Variants in SLC25A21 observed in about 807,000 individuals in gnomAD.
The protein encoded by SLC25A21 is solute carrier family 25 member 21.
Under a neutral mutation model 43.8 loss-of-function variants are expected in SLC25A21, and 47 were observed. The observed-to-expected ratio is 1.07, with a 90% CI of 0.85 to 1.37. SLC25A21 has a LOEUF of 1.37. SLC25A21 is among the 40% of genes most tolerant of loss of function. The pLI is 0.00. For missense variants in SLC25A21, 352 were observed against 350.2 expected, an observed-to-expected ratio of 1.00 and a Z score of -0.04; for synonymous variants, 131 against 121.3, an observed-to-expected ratio of 1.08 and a Z score of -0.52.
At chr14:36,808,635 T>C (rs1267033356) in intron 3 of SLC25A21, among the ~76,000 whole-genome samples, 1 of 152,124 alleles carries the variant, frequency 6.6e-6, no homozygotes, top group Middle Eastern at 3.2e-3. Context: ...GGAGAAACCA[T>C]GGTTATACCT....
At position 36,679,377 on chromosome 14, in the gene SLC25A21, A is replaced by G. The variant is rs1226138644; in HGVS notation, c.*1281T>C. ...AGTAATAATTACCATGTTATCTTTT[A>G]CTTTTTATTTTCAAAATGCTTTAGT... On this transcript the variant is annotated 3_prime_UTR_variant, in exon 10 of 10. Coordinates refer to ENST00000331299, the MANE Select transcript of SLC25A21 (RefSeq NM_030631.4). 1.0e-6 allele frequency: 1 copy of G among 977,484 alleles called. No individual in the cohort carries two copies. The highest frequency in any genetic ancestry group is 1.2e-6 in the Non-Finnish European group (1 of 822,964). The allele number at this position is 977,484 out of a possible 1,614,324, so 60.6% of individuals were successfully genotyped here.
At chr14:36,737,587 T>C (rs1219519105) in intron 3 of SLC25A21, among the ~76,000 whole-genome samples, 1 of 152,174 alleles carries the variant, frequency 6.6e-6, no homozygotes, top group African/African-American at 2.4e-5. Flanking sequence ...GCTTTTACCG[T>C]ATATCCATGC....
Position 36,774,576 on chromosome 14 carries a change from GA to G in SLC25A21, c.203+39341del, listed in dbSNP as rs1241092623. The stretch of plus-strand genomic sequence containing the variant: ...TAACACAGGTTGAGTTTATTTTAGA[GA>G]CTTTTTTTTTTTAAGACAGGGTCTC... On this transcript the variant is annotated intron_variant, in intron 3 of 9. Transcript: ENST00000331299. Among the ~76,000 whole-genome samples the G allele has an allele frequency of 2.6e-5, 4 of 151,916 alleles. No homozygotes were observed. In the East Asian group the frequency reaches 7.8e-4, roughly 30 times the overall value.
At chr14:36,689,050 A>T (rs1048247695) in intron 7 of SLC25A21, among the ~76,000 whole-genome samples, 1 of 152,198 alleles carries the variant, frequency 6.6e-6, no homozygotes, top group Non-Finnish European at 1.5e-5. Flanking sequence ...TGATAAAGAC[A>T]TACCTGAGAT....
intron 7 of SLC25A21, among the ~76,000 whole-genome samples, 199 bp downstream of exon 7, chr14:36,711,119 C>A (rs1269946687): frequency 6.6e-6 from 1 of 152,078 alleles, no homozygotes; most frequent in Non-Finnish European, 1.5e-5. Flanking sequence ...GTGAGCTGGG[C>A]AATTTCCTTG....
intron 2 of SLC25A21, among the ~76,000 whole-genome samples, chr14:36,825,268 CCTCTTT>C (rs1472775547): frequency 1.4e-5 from 2 of 145,260 alleles, no homozygotes; most frequent in South Asian, 2.2e-4. Flanking sequence ...ATGATCTCTT[CCTCTTT>C]CTCTTTCTCT....
chr14:37,101,151 T>A (rs1360773557), intron 1 of SLC25A21, among the ~76,000 whole-genome samples: 1 of 152,230 alleles, frequency 6.6e-6, no homozygotes, highest in Non-Finnish European at 1.5e-5. Context: ...GTGTAATAAT[T>A]TTTATACAAA....
In SLC25A21 at chr14:37,135,077, G is replaced by A. The variant is rs1301322690; in HGVS notation, c.70+37204C>T. On this transcript the variant is annotated intron_variant, in intron 1 of 9. Transcript: ENST00000331299. ...CGAGTAGTTGAGATTACAGGCACAC[G>A]CCACCATGCCCAGCTAATTCTTGTA... is the stretch of plus-strand genomic sequence containing the variant. 6.6e-5 allele frequency among the ~76,000 whole-genome samples: 10 copies of A among 152,058 alleles called. No individual in the cohort carries two copies. In the South Asian group the frequency reaches 8.3e-4, roughly 13 times the overall value.
intron 1 of SLC25A21, among the ~76,000 whole-genome samples, chr14:36,892,117 G>A (rs1891088462): frequency 6.6e-6 from 1 of 152,136 alleles, no homozygotes; most frequent in African/African-American, 2.4e-5. Flanking sequence ...GTGTTGGCAA[G>A]GATGTGGAGA....
intron 3 of SLC25A21, among the ~76,000 whole-genome samples, chr14:36,797,952 T>C (rs776792406): frequency 5.9e-5 from 9 of 152,202 alleles, no homozygotes; most frequent in Non-Finnish European, 8.8e-5. Context: ...TGTCAAAGAA[T>C]TGTCAATATG....
intron 7 of SLC25A21, among the ~76,000 whole-genome samples, chr14:36,693,327 G>C (rs1882874924): frequency 6.6e-6 from 1 of 152,158 alleles, no homozygotes; most frequent in Non-Finnish European, 1.5e-5. Flanking sequence ...ACATATGGCA[G>C]CCTGAAGAAA....
intron 1 of SLC25A21, among the ~76,000 whole-genome samples, chr14:36,990,491 T>A (rs1027713517): frequency 6.6e-6 from 1 of 152,172 alleles, no homozygotes; most frequent in Non-Finnish European, 1.5e-5. Context: ...ATTCTGTACA[T>A]GGAAATGAAA....
chr14:36,748,236 T>G (rs1885573089), intron 3 of SLC25A21, among the ~76,000 whole-genome samples: 1 of 152,170 alleles, frequency 6.6e-6, no homozygotes, highest in Non-Finnish European at 1.5e-5. Context: ...TAACGCTTCT[T>G]CCCTGACTAT....
At chr14:36,796,954 C>T (rs1451463113) in intron 3 of SLC25A21, among the ~76,000 whole-genome samples, 1 of 152,184 alleles carries the variant, frequency 6.6e-6, no homozygotes, top group Non-Finnish European at 1.5e-5. Context: ...CTTTAACAAG[C>T]TGCTTACTTT....
intron 1 of SLC25A21, among the ~76,000 whole-genome samples, chr14:36,879,706 A>C (rs1177574712): frequency 6.6e-6 from 1 of 151,902 alleles, no homozygotes; most frequent in African/African-American, 2.4e-5. Flanking sequence ...CTTCTCCCAG[A>C]CTTCATCTTT....
At chr14:36,847,524 C>T (rs368724904) in intron 2 of SLC25A21, among the ~76,000 whole-genome samples, 90 of 152,304 alleles carry the variant, frequency 5.9e-4, no homozygotes, top group African/African-American at 2.0e-3. Context: ...CTGTGATAAA[C>T]GCCACAATCA....
At chr14:36,919,801 G>A (rs570374503) in intron 1 of SLC25A21, among the ~76,000 whole-genome samples, 1 of 152,074 alleles carries the variant, frequency 6.6e-6, no homozygotes, top group South Asian at 2.1e-4. Flanking sequence ...CAATCAAAAT[G>A]TTTCCTTACT....
Position 36,857,125 on chromosome 14 carries a change from G to A in SLC25A21, c.119+17831C>T, listed in dbSNP as rs1187300478. Among the ~76,000 whole-genome samples the A allele has an allele frequency of 2.0e-5, 3 of 152,136 alleles. No homozygotes were observed. In the East Asian group the frequency reaches 5.8e-4, roughly 29 times the overall value. On this transcript the variant is annotated intron_variant, in intron 2 of 9. Transcript: ENST00000331299. ...TTTTATTTTAATGGAAATTTGTTGT[G>A]TTTAAAGCCTAAGACATGCTTTATC...
intron 1 of SLC25A21, among the ~76,000 whole-genome samples, chr14:37,171,142 TG>T (rs1359371488): frequency 7.7e-5 from 1 of 13,036 alleles, no homozygotes; most frequent in Non-Finnish European, 1.4e-4. Context: ...AGGGGAGGGG[TG>T]GGGAGGGGAG....
Sources: allele counts gnomAD v4.1 joint callset (sites outside exome capture counted in the v4.1 genomes callset), GRCh38; gene constraint gnomAD v4.1.1; transcripts MANE v1.5; gene names NCBI Gene and HGNC (gene_info 2026-07-23, HGNC 2026-07-21).